The following UNC5D variants were observed in gnomAD, a reference collection of about 807,000 sequenced individuals.
UNC5D encodes the protein netrin receptor UNC5D.
Under a neutral mutation model 105.4 loss-of-function variants are expected in UNC5D, and 39 were observed. That is an observed-to-expected ratio of 0.37 (90% CI 0.29 to 0.48). The LOEUF is 0.48. Ranked by LOEUF, UNC5D falls within the 20% of genes least tolerant of loss-of-function variation. The pLI is 0.98. For synonymous variants in UNC5D, 452 were observed against 450.4 expected, an observed-to-expected ratio of 1.00 and a Z score of -0.04; for missense variants, 991 against 1,202.4, an observed-to-expected ratio of 0.82 and a Z score of 2.60.
Position 35,731,068 on chromosome 8 carries a change from T to C in UNC5D, c.1738T>C (p.Tyr580His). The part of the protein sequence containing the change: ...AIPEENSWEI[Y>H]MSINQGEPSL... ...CCCAGAGGAGAATTCTTGGGAGATTTATATGTCCATCAACCAAGGTGAACC... is the reference window on the plus strand; with the variant it reads ...CCCAGAGGAGAATTCTTGGGAGATTCATATGTCCATCAACCAAGGTGAACC... Residue 580 changes from tyrosine to histidine, a missense_variant, in exon 11 of 17, where the codon TAT (tyrosine) becomes CAT (histidine). Tyr to His is a moderately conservative substitution (Grantham distance 83, BLOSUM62 2). Around this residue, in one of 3 missense-constraint regions of UNC5D, gnomAD observed 944 missense variants for 1,131.6 expected, o/e 0.83. Coordinates refer to ENST00000404895, the MANE Select transcript of UNC5D (RefSeq NM_080872.4). 1.9e-6 allele frequency: 3 copies of C among 1,613,908 alleles called. No individual in the cohort carries two copies. Among genetic ancestry groups the C allele is most frequent in the Non-Finnish European group, 8.5e-7 (1 of 1,179,888 alleles).
At chr8:35,440,395 A>G (rs1228872580) in intron 1 of UNC5D, among the ~76,000 whole-genome samples, 2 of 151,918 alleles carry the variant, frequency 1.3e-5, no homozygotes, top group African/African-American at 4.8e-5. Flanking sequence ...GCTTCTCATG[A>G]AGGCTGTTTT....
At chr8:35,404,932 TC>T (rs1310896300) in intron 1 of UNC5D, among the ~76,000 whole-genome samples, 2 of 152,144 alleles carry the variant, frequency 1.3e-5, no homozygotes, top group Non-Finnish European at 2.9e-5. Context: ...GAAGCATTGG[TC>T]TGTACTAAGA....
At position 35,522,756 on chromosome 8, in the gene UNC5D, T is replaced by G. The variant is rs191303348; in HGVS notation, c.104-26536T>G. ...GAAACTGGATGATCTCTACTATCTC[T>G]TCTAAGCCTTAATATGTAATGATTC... On this transcript the variant is annotated intron_variant, in intron 1 of 16. Coordinates refer to ENST00000404895, the MANE Select transcript of UNC5D (RefSeq NM_080872.4). Among the ~76,000 whole-genome samples the G allele has an allele frequency of 9.5e-4, 145 of 152,316 alleles. 1 individual carries two copies. Among genetic ancestry groups the G allele is most frequent in the Non-Finnish European group, 1.7e-3 (115 of 68,026 alleles).
intron 1 of UNC5D, among the ~76,000 whole-genome samples, chr8:35,448,258 C>T (rs961495831): frequency 1.3e-5 from 2 of 151,956 alleles, no homozygotes; most frequent in African/African-American, 4.8e-5. Context: ...CTCCAGTCTG[C>T]TAGTTATCAT....
chr8:35,302,070 G>A lies in UNC5D; in HGVS notation c.103+66183G>A, dbSNP rs375197085. The stretch of plus-strand genomic sequence containing the variant: ...TAAAATTTTATGCCTGATAAAATGG[G>A]ATTAGAGGTGCTGGGGGAAGGAGGG... On this transcript the variant is annotated intron_variant, in intron 1 of 16. Coordinates refer to ENST00000404895, the MANE Select transcript of UNC5D (RefSeq NM_080872.4). Among the ~76,000 whole-genome samples, 104 of 152,272 alleles carry A rather than the reference G, an allele frequency of 6.8e-4. No homozygotes were observed. The South Asian group carries it at 8.5e-3, about 12-fold the overall frequency.
intron 1 of UNC5D, among the ~76,000 whole-genome samples, chr8:35,548,814 A>G (rs2130682619): frequency 6.6e-6 from 1 of 152,298 alleles, no homozygotes. Flanking sequence ...AAAGCAGACC[A>G]TTTGGAATCT....
At position 35,280,927 on chromosome 8, in the gene UNC5D, G is replaced by T. The variant is rs143015987; in HGVS notation, c.103+45040G>T. Among the ~76,000 whole-genome samples the T allele has an allele frequency of 2.9e-3, 446 of 152,228 alleles. 3 individuals carry two copies. The highest frequency in any genetic ancestry group is 0.01 in the African/African-American group (416 of 41,532). ...TCTTTCCCATTGCCTAACAAAAATA[G>T]AGTTCTAAAATGATATTTATTTCAA... On this transcript the variant is annotated intron_variant, in intron 1 of 16. Transcript: ENST00000404895.
intron 1 of UNC5D, among the ~76,000 whole-genome samples, chr8:35,263,911 C>T (rs1459581577): frequency 5.9e-5 from 9 of 152,220 alleles, no homozygotes; most frequent in African/African-American, 2.2e-4. Context: ...GCTGCAAACT[C>T]CAATAGTATA....
chr8:35,553,735 G>T (rs4739414), intron 2 of UNC5D, among the ~76,000 whole-genome samples: 34,527 of 152,048 alleles, frequency 0.23, 6,014 homozygotes, highest in African/African-American at 0.48. Flanking sequence ...GCAATTTAGG[G>T]TGGAAACAAA....
intron 12 of UNC5D, among the ~76,000 whole-genome samples, chr8:35,749,546 A>G (rs1277712247): frequency 6.6e-6 from 1 of 152,214 alleles, no homozygotes; most frequent in Non-Finnish European, 1.5e-5. Context: ...CCCAGTTGCT[A>G]CAATGGATTA....
chr8:35,718,097 C>CT (rs57590798), intron 8 of UNC5D, among the ~76,000 whole-genome samples: 4,315 of 143,296 alleles, frequency 0.03, 125 homozygotes, highest in East Asian at 0.13. Context: ...GGTTTGGGGG[C>CT]TTTTTTTTTT....
chr8:35,670,835 G>A (rs1288386049), intron 4 of UNC5D, among the ~76,000 whole-genome samples: 1 of 152,084 alleles, frequency 6.6e-6, no homozygotes, highest in Non-Finnish European at 1.5e-5. Flanking sequence ...ATGTGACAAA[G>A]CTGCACATTC....
At chr8:35,620,864 C>A (rs1237917439) in intron 4 of UNC5D, among the ~76,000 whole-genome samples, 1 of 152,154 alleles carries the variant, frequency 6.6e-6, no homozygotes, top group East Asian at 1.9e-4. Flanking sequence ...TTCTTTCCAC[C>A]TTCTAGTCAC....
chr8:35,610,866 A>C (rs899237199), intron 4 of UNC5D, among the ~76,000 whole-genome samples: 2 of 152,134 alleles, frequency 1.3e-5, no homozygotes, highest in Admixed American at 6.6e-5. Flanking sequence ...ACGGTTGCAC[A>C]ATGGGAAAAG....
chr8:35,732,998 T>A (rs1351440784), intron 11 of UNC5D, among the ~76,000 whole-genome samples: 1 of 152,128 alleles, frequency 6.6e-6, no homozygotes, highest in African/African-American at 2.4e-5. Flanking sequence ...TCCTTCTGTG[T>A]CTACTGCTGT....
chr8:35,255,368 C>T (rs909846772), intron 1 of UNC5D: 2 of 152,122 alleles, frequency 1.3e-5, no homozygotes, highest in Non-Finnish European at 2.9e-5. Flanking sequence ...CAGTAGCAAG[C>T]TCTTCAGAAA....
chr8:35,429,092 CTTCATTTAA>C (rs1216012638), intron 1 of UNC5D, among the ~76,000 whole-genome samples: 1 of 152,064 alleles, frequency 6.6e-6, no homozygotes, highest in Non-Finnish European at 1.5e-5. Context: ...CTATTTTATG[CTTCATTTAA>C]ATTGTATAGA....
At position 35,692,171 on chromosome 8, in the gene UNC5D, G is replaced by C. The variant is rs137864911; in HGVS notation, c.1084+5462G>C. On this transcript the variant is annotated intron_variant, in intron 7 of 16. Transcript: ENST00000404895. ...GTGATAAGAAAAGTTTGAGTTGATG[G>C]TTAGGAAACCCCATCAAGGATAAAG... Among the ~76,000 whole-genome samples the C allele has an allele frequency of 3.4e-3, 516 of 152,276 alleles. 2 individuals carry two copies. Among genetic ancestry groups the C allele is most frequent in the African/African-American group, 0.011 (469 of 41,554 alleles).
intron 1 of UNC5D, among the ~76,000 whole-genome samples, chr8:35,347,707 G>A (rs1450514166): frequency 6.6e-6 from 1 of 151,990 alleles, no homozygotes; most frequent in Admixed American, 6.6e-5. Flanking sequence ...AGGCAGCAAA[G>A]AGAGAAAGAG....
Sources: allele counts gnomAD v4.1 joint callset (sites outside exome capture counted in the v4.1 genomes callset), GRCh38; gene constraint gnomAD v4.1.1; regional missense constraint gnomAD v4.1.1; transcripts MANE v1.5; gene names NCBI Gene and HGNC (gene_info 2026-07-23, HGNC 2026-07-21).